The following SNTG1 variants were observed in gnomAD, a reference collection of about 807,000 sequenced individuals.
SNTG1 encodes the protein syntrophin gamma 1, also known as gamma-1-syntrophin.
A neutral mutation model predicts 74.7 loss-of-function variants in SNTG1; 39 were observed. The observed-to-expected ratio is 0.52, with a 90% CI of 0.40 to 0.68. The LOEUF (loss-of-function observed/expected upper bound fraction) is 0.68, where lower values mean the gene tolerates loss of function less well. Among genes scored for constraint, SNTG1 ranks in the 30% least tolerant of loss-of-function variants. The pLI is 0.00. For missense variants in SNTG1, 685 were observed against 609.5 expected (o/e 1.12, Z -1.30); for synonymous variants, 254 against 217.1 (o/e 1.17, Z -1.49).
At chr8:50,205,767 C>G (rs1199572292) in intron 2 of SNTG1, among the ~76,000 whole-genome samples, 1 of 152,130 alleles carries the variant, frequency 6.6e-6, no homozygotes, top group African/African-American at 2.4e-5. Flanking sequence ...AAGGGATCCA[C>G]TTACAGCTTT....
intron 2 of SNTG1, among the ~76,000 whole-genome samples, chr8:50,175,391 C>G (rs2082960289): frequency 6.6e-6 from 1 of 152,160 alleles, no homozygotes; most frequent in Non-Finnish European, 1.5e-5. Flanking sequence ...AATGGATATT[C>G]ATATTTCTCC....
intron 18 of SNTG1, among the ~76,000 whole-genome samples, chr8:50,788,975 C>A (rs1203301985): frequency 6.6e-6 from 1 of 151,980 alleles, no homozygotes; most frequent in Admixed American, 6.6e-5. Flanking sequence ...CCATTTCATG[C>A]CAGCAATTCT....
chr8:50,228,226 AT>A (rs1586769074), intron 2 of SNTG1, among the ~76,000 whole-genome samples: 2 of 152,056 alleles, frequency 1.3e-5, no homozygotes, highest in Admixed American at 6.6e-5. Context: ...AAGGAAAAAA[AT>A]ATTACGAAAC....
intron 1 of SNTG1, among the ~76,000 whole-genome samples, chr8:50,156,409 G>A (rs1239092085): frequency 6.6e-6 from 1 of 151,920 alleles, no homozygotes; most frequent in Admixed American, 6.6e-5. Flanking sequence ...ATCTCATTGA[G>A]CAATACATAA....
At chr8:50,488,925 A>G (rs960588549) in intron 8 of SNTG1, among the ~76,000 whole-genome samples, 2 of 151,670 alleles carry the variant, frequency 1.3e-5, no homozygotes, top group South Asian at 4.2e-4. Flanking sequence ...TATCCCTCCC[A>G]TAGCCCCCCA....
chr8:49,968,089 C>T (rs1195308346), intron 1 of SNTG1, among the ~76,000 whole-genome samples: 1 of 151,840 alleles, frequency 6.6e-6, no homozygotes, highest in Non-Finnish European at 1.5e-5. Context: ...TTTTTTTCTG[C>T]AAGTAAATAC....
chr8:50,406,062 A>G (rs112364229), intron 4 of SNTG1, among the ~76,000 whole-genome samples: 2,210 of 152,122 alleles, frequency 0.015, 35 homozygotes, highest in Non-Finnish European at 0.021. Flanking sequence ...TTTGGAATGA[A>G]TTTTTCTATT....
chr8:50,133,489 G>A (rs75844537), intron 1 of SNTG1, among the ~76,000 whole-genome samples: 13,807 of 152,074 alleles, frequency 0.091, 748 homozygotes, highest in African/African-American at 0.15. Flanking sequence ...GGCTCCCTAG[G>A]GCTGCCATAA....
intron 1 of SNTG1, among the ~76,000 whole-genome samples, chr8:50,022,330 A>T (rs576152418): frequency 6.6e-6 from 1 of 152,326 alleles, no homozygotes; most frequent in African/African-American, 2.4e-5. Context: ...ATGATCACTG[A>T]TGCCTTGAGA....
At chr8:50,459,060 T>G (rs866712445) in intron 8 of SNTG1, among the ~76,000 whole-genome samples, 3 of 152,350 alleles carry the variant, frequency 2.0e-5, no homozygotes, top group Middle Eastern at 3.4e-3. Flanking sequence ...CTCTTGTATT[T>G]ATGTCTAGGT....
chr8:50,598,193 A>G (rs2094745135), intron 13 of SNTG1, among the ~76,000 whole-genome samples: 1 of 151,940 alleles, frequency 6.6e-6, no homozygotes, highest in Non-Finnish European at 1.5e-5. Context: ...AAGTGCTTCC[A>G]TAGTTTCAGG....
chr8:50,540,129 T>C (rs2094336079), intron 11 of SNTG1, among the ~76,000 whole-genome samples: 1 of 152,150 alleles, frequency 6.6e-6, no homozygotes, highest in Non-Finnish European at 1.5e-5. Context: ...TGAAGTTCTT[T>C]AGTTGCATCA....
intron 15 of SNTG1, among the ~76,000 whole-genome samples, chr8:50,669,839 C>A (rs2095270556): frequency 6.6e-6 from 1 of 152,084 alleles, no homozygotes; most frequent in African/African-American, 2.4e-5. Context: ...AAAGCTTATC[C>A]ACCATGATCA....
At chr8:50,549,900 G>A (rs534525436) in intron 11 of SNTG1, among the ~76,000 whole-genome samples, 1 of 152,094 alleles carries the variant, frequency 6.6e-6, no homozygotes, top group African/African-American at 2.4e-5. Flanking sequence ...AGCAGTTATT[G>A]AATCACATCG....
intron 1 of SNTG1, among the ~76,000 whole-genome samples, chr8:49,915,652 T>A (rs1285440878): frequency 6.6e-6 from 1 of 152,168 alleles, no homozygotes; most frequent in Non-Finnish European, 1.5e-5. Flanking sequence ...CATAATTTTC[T>A]AGTTTATAAA....
At chr8:50,226,263 A>G (rs1481383770) in intron 2 of SNTG1, among the ~76,000 whole-genome samples, 2 of 152,136 alleles carry the variant, frequency 1.3e-5, no homozygotes, top group African/African-American at 2.4e-5. Flanking sequence ...GTTTTATTTA[A>G]CCCTATATAT....
intron 1 of SNTG1, among the ~76,000 whole-genome samples, chr8:50,105,237 C>A (rs191966076): frequency 6.6e-6 from 1 of 152,232 alleles, no homozygotes; most frequent in African/African-American, 2.4e-5. Context: ...CAGCTCCTAT[C>A]TTCTGCATAT....
intron 2 of SNTG1, among the ~76,000 whole-genome samples, chr8:50,262,688 C>T (rs1489027602): frequency 6.6e-6 from 1 of 152,116 alleles, no homozygotes; most frequent in Non-Finnish European, 1.5e-5. Flanking sequence ...GGATTACAGA[C>T]GTGAGCCACC....
intron 2 of SNTG1, among the ~76,000 whole-genome samples, chr8:50,328,280 G>A (rs569085610): frequency 6.6e-6 from 1 of 152,244 alleles, no homozygotes; most frequent in Admixed American, 6.5e-5. Context: ...CACTTTTGAA[G>A]GATAATTTTG....
Sources: gnomAD v4.1 joint callset for allele counts (sites outside exome capture counted in the v4.1 genomes callset) on GRCh38, gnomAD v4.1.1 for gene constraint, MANE v1.5 for transcripts, NCBI Gene and HGNC (gene_info 2026-07-23, HGNC 2026-07-21) for gene names.